The following STIL variants were observed in gnomAD, a reference collection of about 807,000 sequenced individuals.
STIL encodes STIL centriolar assembly protein.
A neutral mutation model predicts 110.1 loss-of-function variants in STIL; 55 were observed. The ratio of observed to expected loss-of-function variants is 0.50; its 90% CI spans 0.40 to 0.63. The LOEUF (loss-of-function observed/expected upper bound fraction) is 0.63. Among genes scored for constraint, STIL ranks in the 20% least tolerant of loss-of-function variants. The probability of loss-of-function intolerance (pLI) is 0.00; values close to 1 mark genes in which losing one functional copy is unlikely to be tolerated. For synonymous variants in STIL, 481 were observed against 530.0 expected, an observed-to-expected ratio of 0.91 and a Z score of 1.27; for missense variants, 1,358 against 1,530.0, an observed-to-expected ratio of 0.89 and a Z score of 1.87.
Position 47,251,464 on chromosome 1 carries a change from T to C in STIL, c.3539A>G (p.Asn1180Ser), listed in dbSNP as rs1310637505. Residue 1180 changes from asparagine to serine, a missense_variant, in exon 17 of 17, where the codon AAT (asparagine) becomes AGT (serine). By Grantham distance (46) the Asn-to-Ser change is conservative. Coordinates refer to ENST00000371877, the MANE Select transcript of STIL (RefSeq NM_001048166.1). ...CCCCACAGATTCACAGTTAGAACAA[T>C]TAATTATTTCATGGTCATTCTTAGA... Reference protein sequence around the residue: ...EPSKNDHEIINCSNCESVGTN... With the variant: ...EPSKNDHEIISCSNCESVGTN... The C allele has an allele frequency of 8.1e-6, 13 of 1,614,090 alleles. No individual in the cohort carries two copies. The highest frequency in any genetic ancestry group is 5.0e-5 in the Admixed American group (3 of 59,998).
At chr1:47,299,692 C>T in intron 6 of STIL, 2 of 524,996 alleles carry the variant, frequency 3.8e-6, no homozygotes, top group South Asian at 2.0e-5. Context: ...TGCGCCAGGC[C>T]CTACCACCAA....
chr1:47,311,046 C>T (rs1646107661), intron 1 of STIL, among the ~76,000 whole-genome samples: 1 of 151,922 alleles, frequency 6.6e-6, no homozygotes, highest in African/African-American at 2.4e-5. Context: ...CGGGGTTTCA[C>T]CATGTTGGCC....
At chr1:47,256,261 C>T (rs1417145353) in intron 16 of STIL, among the ~76,000 whole-genome samples, 2 of 152,132 alleles carry the variant, frequency 1.3e-5, no homozygotes, top group Admixed American at 1.3e-4. Flanking sequence ...GGAGGAATGT[C>T]GTTCATTCAG....
At chr1:47,298,891 G>A (rs1012979499) in intron 6 of STIL, among the ~76,000 whole-genome samples, 1 of 151,994 alleles carries the variant, frequency 6.6e-6, no homozygotes, top group South Asian at 2.1e-4. Flanking sequence ...TTACAGGCAC[G>A]TGCCACCATG....
At chr1:47,310,450 A>G in intron 1 of STIL, 88 bp from the exon 2 acceptor site, 1 of 770,060 alleles carries the variant, frequency 1.3e-6, no homozygotes, top group Non-Finnish European at 2.1e-6. Context: ...TACAGGCAAA[A>G]TTAGATTACT....
In STIL at chr1:47,251,818, C is replaced by T; in HGVS notation, c.3185G>A (p.Ser1062Asn). 6.2e-7 allele frequency: 1 copy of T among 1,609,236 alleles called. No individual in the cohort carries two copies. The highest frequency in any genetic ancestry group is 8.5e-7 in the Non-Finnish European group (1 of 1,177,440). ...CAGAGCTATAGCATTTGCCTCCATGCTCAAATCCACACCATTGGGGCTTAA... is the reference window on the plus strand; with the variant it reads ...CAGAGCTATAGCATTTGCCTCCATGTTCAAATCCACACCATTGGGGCTTAA... Reference protein sequence around the residue: ...SGLSPNGVDLSMEANAIALKY... With the variant: ...SGLSPNGVDLNMEANAIALKY... The change falls in exon 17 of 17, where the codon AGC becomes AAC. Residue 1062 changes from serine to asparagine, a missense_variant. Ser to Asn is a conservative substitution (Grantham distance 46). Transcript: ENST00000371877.
At chr1:47,276,328 G>T (rs1557731497) in intron 12 of STIL, among the ~76,000 whole-genome samples, 1 of 151,638 alleles carries the variant, frequency 6.6e-6, no homozygotes, top group African/African-American at 2.4e-5. Flanking sequence ...ATCTAAACTG[G>T]AATATTCTGT....
intron 8 of STIL, among the ~76,000 whole-genome samples, chr1:47,291,090 T>A (rs1157627427): frequency 6.6e-6 from 1 of 152,208 alleles, no homozygotes; most frequent in South Asian, 2.1e-4. Context: ...CCGGGTGCAG[T>A]GGCTCACGCC....
chr1:47,302,461 C>A, intron 3 of STIL, 115 bp from the exon 4 acceptor site: 2 of 863,950 alleles, frequency 2.3e-6, no homozygotes, highest in Non-Finnish European at 3.8e-6. Context: ...ACAGAAAGAT[C>A]ATTGTCAGGA....
In STIL at chr1:47,280,302, G is replaced by A. The variant is rs1645118716; in HGVS notation, c.2156C>T (p.Ser719Phe). Residue 719 changes from serine to phenylalanine, a missense_variant, in exon 12 of 17, where the codon TCT becomes TTT. Transcript: ENST00000371877. The stretch of plus-strand genomic sequence containing the variant: ...TGTGAGGAACCGATATGCATCTGGA[G>A]ATAGTCCCATCATTCCATTATCTGA... Reference protein sequence around the residue: ...TESDNGMMGLSPDAYRFLTEQ... With the variant: ...TESDNGMMGLFPDAYRFLTEQ... The A allele has an allele frequency of 6.2e-7, 1 of 1,614,126 alleles. No individual in the cohort carries two copies. The highest frequency in any genetic ancestry group is 1.3e-5 in the African/African-American group (1 of 74,938).
At position 47,269,635 on chromosome 1, in the gene STIL, T is replaced by C. The variant is rs201003813; in HGVS notation, c.2615A>G (p.Asn872Ser). 6.2e-6 allele frequency: 10 copies of C among 1,613,988 alleles called. No individual in the cohort carries two copies. In the East Asian group the frequency reaches 1.3e-4, roughly 22 times the overall value. ...EEFNQPLSVS[N>S]SSSLVVRKEP... ...AAAGACTAAATCAAAGAGACCTTACTTGGATACAGAAAGTGGCTGGTTAAA... is the reference window on the plus strand; with the variant it reads ...AAAGACTAAATCAAAGAGACCTTACCTGGATACAGAAAGTGGCTGGTTAAA... Residue 872 changes from asparagine to serine, a missense_variant and splice_region_variant, in exon 14 of 17, where the codon AAC (asparagine) becomes AGC (serine). By Grantham distance (46) the Asn-to-Ser change is conservative (BLOSUM62 1). Transcript: ENST00000371877.
chr1:47,254,128 C>T (rs1644261224), intron 16 of STIL, among the ~76,000 whole-genome samples: 1 of 131,814 alleles, frequency 7.6e-6, no homozygotes, highest in Admixed American at 9.1e-5. Flanking sequence ...TTGCAGTGAG[C>T]CGAGATTGCG....
intron 9 of STIL, 121 bp downstream of exon 9, chr1:47,289,314 T>C (rs1366287531): frequency 3.2e-6 from 2 of 618,640 alleles, no homozygotes; most frequent in Non-Finnish European, 5.2e-6. Context: ...AGATTATTTA[T>C]AAGTAAACAA....
At chr1:47,267,037 G>A (rs962600594) in intron 14 of STIL, among the ~76,000 whole-genome samples, 1 of 151,980 alleles carries the variant, frequency 6.6e-6, no homozygotes, top group Non-Finnish European at 1.5e-5. Context: ...ACCCACACTT[G>A]CCATTACACT....
chr1:47,293,486 A>G lies in STIL; in HGVS notation c.844T>C (p.Tyr282His), dbSNP rs1645553530. 3 of 1,613,370 alleles carry G rather than the reference A, an allele frequency of 1.9e-6. No individual in the cohort carries two copies. The highest frequency in any genetic ancestry group is 2.5e-6 in the Non-Finnish European group (3 of 1,179,602). Residue 282 changes from tyrosine to histidine, a missense_variant, in exon 8 of 17, where the codon TAC becomes CAC. Physicochemically the swap from Tyr to His is moderately conservative, Grantham distance 83. Coordinates refer to ENST00000371877, the MANE Select transcript of STIL (RefSeq NM_001048166.1). ...SPQVWACCLR[Y>H]IFNSSVQERV... Reference sequence around the variant, plus strand: ...TCTTGAACAGAAGAATTGAATATGTATCGCAAACAGCAAGCCCATACCTGA... The same window carrying G: ...TCTTGAACAGAAGAATTGAATATGTGTCGCAAACAGCAAGCCCATACCTGA...
At chr1:47,302,696 C>G (rs976019401) in intron 3 of STIL, among the ~76,000 whole-genome samples, 4 of 152,124 alleles carry the variant, frequency 2.6e-5, no homozygotes, top group Non-Finnish European at 4.4e-5. Context: ...AGTAGTGCCC[C>G]CTTATCTCTG....
At chr1:47,286,430 C>T (rs146577009) in intron 10 of STIL, among the ~76,000 whole-genome samples, 26 of 151,792 alleles carry the variant, frequency 1.7e-4, no homozygotes, top group South Asian at 4.2e-4. Context: ...AGAAAGAGGC[C>T]GGGTGTGGTG....
chr1:47,272,932 C>T (rs1278587400), intron 12 of STIL, among the ~76,000 whole-genome samples: 1 of 152,106 alleles, frequency 6.6e-6, no homozygotes, highest in East Asian at 1.9e-4. Context: ...CAGAATTGCC[C>T]ATGTTTGCCC....
At chr1:47,282,306 C>T in intron 11 of STIL, 39 bp downstream of exon 11, 3 of 1,374,868 alleles carry the variant, frequency 2.2e-6, no homozygotes, top group Non-Finnish European at 1.0e-6. Context: ...ACTTAGGTCT[C>T]TAACCACAAA....
Sources: gnomAD v4.1 joint callset for allele counts (sites outside exome capture counted in the v4.1 genomes callset) on GRCh38, gnomAD v4.1.1 for gene constraint, MANE v1.5 for transcripts, NCBI Gene and HGNC (gene_info 2026-07-23, HGNC 2026-07-21) for gene names.